CNTLN: variants seen among roughly 807,000 people sequenced by gnomAD.
CNTLN encodes centlein, centrosomal protein.
In CNTLN, 212 loss-of-function variants were observed where a neutral mutation model predicts 180.0. The ratio of observed to expected loss-of-function variants is 1.18; its 90% CI spans 1.05 to 1.32. The LOEUF is 1.32. Among genes scored for constraint, CNTLN ranks in the 40% most tolerant of loss-of-function variants. The pLI is 0.00. For synonymous variants in CNTLN, 722 were observed against 563.1 expected, an observed-to-expected ratio of 1.28 and a Z score of -3.99; for missense variants, 2,095 against 1,610.9, an observed-to-expected ratio of 1.30 and a Z score of -5.14.
Position 17,324,101 on chromosome 9 carries a change from C to G in CNTLN, c.1342-6531C>G, listed in dbSNP as rs147918077. On this transcript the variant is annotated intron_variant, in intron 8 of 25. Transcript: ENST00000380647. Reference sequence around the variant, plus strand: ...TATAGAGATGATAATGTATAACAAGCATAGTCCCTTGCTTATACCATTAAT... The same window carrying G: ...TATAGAGATGATAATGTATAACAAGGATAGTCCCTTGCTTATACCATTAAT... Among the ~76,000 whole-genome samples the G allele has an allele frequency of 2.7e-3, 415 of 152,284 alleles. 2 individuals are homozygous for G. The highest frequency in any genetic ancestry group is 9.6e-3 in the African/African-American group (398 of 41,560).
intron 5 of CNTLN, among the ~76,000 whole-genome samples, chr9:17,241,019 C>T (rs780867389): frequency 2.3e-4 from 35 of 152,054 alleles, no homozygotes; most frequent in Non-Finnish European, 4.1e-4. Flanking sequence ...GCACCACACC[C>T]GGCTAATTTT....
chr9:17,237,406 CG>C (rs1825221422), intron 5 of CNTLN, among the ~76,000 whole-genome samples: 3 of 123,696 alleles, frequency 2.4e-5, no homozygotes, highest in African/African-American at 9.5e-5. Context: ...CACACACACA[CG>C]GTTAGTCAAC....
At chr9:17,299,617 A>G (rs1448897169) in intron 7 of CNTLN, 3 of 985,312 alleles carry the variant, frequency 3.0e-6, no homozygotes, top group Middle Eastern at 5.2e-4. Flanking sequence ...AGCAAGCAGG[A>G]AGATACAGTC....
chr9:17,363,287 G>T (rs1823549838), intron 12 of CNTLN, among the ~76,000 whole-genome samples: 1 of 152,142 alleles, frequency 6.6e-6, no homozygotes, highest in Non-Finnish European at 1.5e-5. Flanking sequence ...AGATCCTTGA[G>T]AAATCGCCAC....
intron 13 of CNTLN, among the ~76,000 whole-genome samples, chr9:17,373,767 G>C (rs1404243553): frequency 6.6e-6 from 1 of 152,066 alleles, no homozygotes; most frequent in Non-Finnish European, 1.5e-5. Flanking sequence ...CATGAAAATT[G>C]ACACATAGAC....
intron 5 of CNTLN, among the ~76,000 whole-genome samples, chr9:17,240,891 C>T (rs921393007): frequency 6.6e-6 from 1 of 152,002 alleles, no homozygotes; most frequent in African/African-American, 2.4e-5. Flanking sequence ...TGGAGTCTCG[C>T]TCTGTCACCC....
intron 5 of CNTLN, among the ~76,000 whole-genome samples, chr9:17,271,688 C>CTT (rs752468222): frequency 6.6e-6 from 1 of 152,118 alleles, no homozygotes; most frequent in East Asian, 1.9e-4. Context: ...TACGAGAGAT[C>CTT]TTTAATTCCT....
intron 19 of CNTLN, among the ~76,000 whole-genome samples, chr9:17,461,808 G>A (rs1202932343): frequency 6.6e-6 from 1 of 151,476 alleles, no homozygotes; most frequent in Non-Finnish European, 1.5e-5. Flanking sequence ...ATGTGAGTAT[G>A]TCAACACTAT....
At chr9:17,260,156 A>G (rs1170595115) in intron 5 of CNTLN, among the ~76,000 whole-genome samples, 1 of 147,722 alleles carries the variant, frequency 6.8e-6, no homozygotes, top group Non-Finnish European at 1.5e-5. Flanking sequence ...AATGCGTCCC[A>G]GAGATTCTGG....
At position 17,281,899 on chromosome 9, in the gene CNTLN, CCCA is replaced by C. The variant is rs1828688329; in HGVS notation, c.983+8037_983+8039del. On this transcript the variant is annotated intron_variant, in intron 6 of 25. Transcript: ENST00000380647. Reference sequence around the variant, plus strand: ...CACAATGGTTGCACTAATATACATTCCCACCAACAGTGTCAAAGCGTTCCTGTT... The same window carrying C: ...CACAATGGTTGCACTAATATACATTCCCAACAGTGTCAAAGCGTTCCTGTT... Among the ~76,000 whole-genome samples the C allele has an allele frequency of 2.0e-5, 3 of 152,298 alleles. No individual in the cohort carries two copies. In the South Asian group the frequency reaches 6.2e-4, roughly 32 times the overall value.
rs137946353 is a variant in CNTLN at position 17,306,377 on chromosome 9, G to A, written c.1147-2681G>A. Among the ~76,000 whole-genome samples, 257 of 152,208 alleles carry A rather than the reference G, an allele frequency of 1.7e-3. 1 individual carries two copies. Among genetic ancestry groups the A allele is most frequent in the Non-Finnish European group, 2.8e-3 (188 of 67,996 alleles). On this transcript the variant is annotated intron_variant, in intron 7 of 25. Transcript: ENST00000380647. ...TTGGTGAGGCTGGTCTTGAACTCCCGTCGTCAGGTGATCCGCCAGCCTCGG... is the reference window on the plus strand; with the variant it reads ...TTGGTGAGGCTGGTCTTGAACTCCCATCGTCAGGTGATCCGCCAGCCTCGG...
At chr9:17,354,688 A>C (rs1822677434) in intron 12 of CNTLN, among the ~76,000 whole-genome samples, 1 of 152,096 alleles carries the variant, frequency 6.6e-6, no homozygotes, top group Non-Finnish European at 1.5e-5. Flanking sequence ...CTGTCAAAAG[A>C]GGCCACTTGG....
At chr9:17,299,609 C>T in intron 7 of CNTLN, 3 of 985,304 alleles carry the variant, frequency 3.0e-6, no homozygotes, top group Non-Finnish European at 3.6e-6. Flanking sequence ...TAGATGATAG[C>T]AAGCAGGAAG....
intron 1 of CNTLN, among the ~76,000 whole-genome samples, chr9:17,142,321 C>A (rs982207797): frequency 1.3e-5 from 2 of 152,062 alleles, no homozygotes; most frequent in East Asian, 1.9e-4. Flanking sequence ...GATAATAATT[C>A]TTCTTCCACT....
intron 8 of CNTLN, among the ~76,000 whole-genome samples, chr9:17,311,293 G>A (rs1337617996): frequency 6.6e-6 from 1 of 151,788 alleles, no homozygotes; most frequent in East Asian, 2.0e-4. Flanking sequence ...CCAAAGTGCT[G>A]GGATTACAGG....
intron 23 of CNTLN, among the ~76,000 whole-genome samples, chr9:17,472,447 A>G (rs1832086106): frequency 1.3e-5 from 2 of 152,230 alleles, no homozygotes; most frequent in South Asian, 4.1e-4. Flanking sequence ...ACTTATGGTG[A>G]CTTCATATCC....
intron 3 of CNTLN, among the ~76,000 whole-genome samples, chr9:17,230,449 G>A (rs566368252): frequency 1.3e-5 from 2 of 152,038 alleles, no homozygotes; most frequent in Admixed American, 6.6e-5. Context: ...TTCATGGTGA[G>A]CTGTGCTTCT....
intron 2 of CNTLN, among the ~76,000 whole-genome samples, chr9:17,150,839 G>A (rs1011766801): frequency 2.0e-5 from 3 of 152,180 alleles, no homozygotes; most frequent in Admixed American, 6.5e-5. Flanking sequence ...GCAGTGGTTT[G>A]TAGTTCTCCT....
intron 2 of CNTLN, among the ~76,000 whole-genome samples, chr9:17,172,395 T>C (rs1421523885): frequency 6.6e-6 from 1 of 152,182 alleles, no homozygotes; most frequent in African/African-American, 2.4e-5. Context: ...CCAGACATTT[T>C]AGGTTTTATG....
Sources: allele counts gnomAD v4.1 joint callset (sites outside exome capture counted in the v4.1 genomes callset), GRCh38; gene constraint gnomAD v4.1.1; transcripts MANE v1.5; gene names NCBI Gene and HGNC (gene_info 2026-07-23, HGNC 2026-07-21).